NEBL: variants seen among roughly 807,000 people sequenced by gnomAD.
NEBL encodes LIM and SH3 protein 2.
NEBL carries 122 observed loss-of-function variants against 140.2 expected under a neutral mutation model. The ratio of observed to expected loss-of-function variants is 0.87; its 90% CI spans 0.75 to 1.01. The LOEUF (loss-of-function observed/expected upper bound fraction) is 1.01. Ranked by LOEUF, NEBL falls within the 50% of genes least tolerant of loss-of-function variation. The pLI, the probability that NEBL is intolerant of heterozygous loss-of-function variation, is 0.00. For missense variants in NEBL, 1,365 were observed against 1,231.3 expected (o/e 1.11, Z -1.62); for synonymous variants, 436 against 398.9 (o/e 1.09, Z -1.11).
At chr10:21,259,587 G>C (rs1040416800) in intron 1 of NEBL, among the ~76,000 whole-genome samples, 1 of 151,992 alleles carries the variant, frequency 6.6e-6, no homozygotes, top group Non-Finnish European at 1.5e-5. Flanking sequence ...ACCCTTACCC[G>C]TATCCCTCTT....
At chr10:20,839,341 A>G (rs995028131) in intron 13 of NEBL, among the ~76,000 whole-genome samples, 1 of 152,206 alleles carries the variant, frequency 6.6e-6, no homozygotes, top group Non-Finnish European at 1.5e-5. Context: ...GAATTTGCAG[A>G]AAATGACTAA....
At chr10:21,007,681 A>G (rs561010629) in intron 3 of NEBL, among the ~76,000 whole-genome samples, 28 of 152,224 alleles carry the variant, frequency 1.8e-4, no homozygotes, top group Non-Finnish European at 3.4e-4. Context: ...AAGGACAAAG[A>G]TGAAAACAGA....
chr10:21,166,979 C>A (rs1840805271), intron 2 of NEBL, among the ~76,000 whole-genome samples: 1 of 152,114 alleles, frequency 6.6e-6, no homozygotes, highest in Non-Finnish European at 1.5e-5. Flanking sequence ...CTCTGATTAC[C>A]CTTAGGAAAG....
At chr10:21,093,763 A>C (rs1381859176) in intron 2 of NEBL, among the ~76,000 whole-genome samples, 2 of 152,198 alleles carry the variant, frequency 1.3e-5, no homozygotes, top group Non-Finnish European at 1.5e-5. Flanking sequence ...TATCCTGAAA[A>C]ATCTACTGCT....
At chr10:20,863,499 G>A (rs900841301) in intron 7 of NEBL, among the ~76,000 whole-genome samples, 1 of 152,132 alleles carries the variant, frequency 6.6e-6, no homozygotes, top group Non-Finnish European at 1.5e-5. Context: ...AAGCTGTCAA[G>A]GAAGACAGGA....
chr10:21,017,591 GTTC>G (rs1214869491), intron 3 of NEBL, among the ~76,000 whole-genome samples: 6 of 152,042 alleles, frequency 3.9e-5, no homozygotes, highest in Non-Finnish European at 7.4e-5. Context: ...CAGTGACCTT[GTTC>G]TTCTTTGCAT....
chr10:20,969,715 T>C (rs1324154200), intron 3 of NEBL, among the ~76,000 whole-genome samples: 1 of 151,838 alleles, frequency 6.6e-6, no homozygotes, highest in Non-Finnish European at 1.5e-5. Context: ...TGAGCTAATT[T>C]TTGAATTTTT....
At chr10:20,812,972 T>G in intron 23 of NEBL, 32 bp from the exon 24 acceptor site, 1 of 1,584,962 alleles carries the variant, frequency 6.3e-7, no homozygotes, top group Non-Finnish European at 8.7e-7. Flanking sequence ...TACTGAATTT[T>G]GCGGATAGTT....
intron 3 of NEBL, among the ~76,000 whole-genome samples, chr10:21,011,821 G>A (rs1206894507): frequency 6.6e-6 from 1 of 152,128 alleles, no homozygotes; most frequent in Non-Finnish European, 1.5e-5. Context: ...ATCCACCCCT[G>A]GCCCCAGGGC....
At chr10:20,946,213 C>T (rs565326823) in intron 4 of NEBL, among the ~76,000 whole-genome samples, 1 of 152,138 alleles carries the variant, frequency 6.6e-6, no homozygotes, top group African/African-American at 2.4e-5. Flanking sequence ...AGGAGCCCAT[C>T]GTGTTTCCTC....
chr10:20,899,463 A>C, upstream of NEBL: 1 of 1,289,264 alleles, frequency 7.8e-7, no homozygotes. Flanking sequence ...GCAAGAAAAT[A>C]AGCTGTTGAG....
At chr10:21,099,992 A>C (rs1273310948) in intron 2 of NEBL, among the ~76,000 whole-genome samples, 1 of 152,208 alleles carries the variant, frequency 6.6e-6, no homozygotes, top group Non-Finnish European at 1.5e-5. Context: ...AAAAACAAGA[A>C]GTCCTCCTCA....
chr10:20,859,048 C>T (rs1672626249), intron 8 of NEBL, among the ~76,000 whole-genome samples: 1 of 152,030 alleles, frequency 6.6e-6, no homozygotes, highest in South Asian at 2.1e-4. Context: ...ATCTCTATTT[C>T]TAAGAAAGCA....
intron 2 of NEBL, among the ~76,000 whole-genome samples, chr10:21,151,452 A>G (rs928928763): frequency 1.3e-5 from 2 of 152,202 alleles, no homozygotes; most frequent in African/African-American, 2.4e-5. Flanking sequence ...GCACAAGCGC[A>G]CACACACAAA....
intron 2 of NEBL, chr10:21,070,126 A>G: frequency 2.6e-6 from 1 of 381,202 alleles, no homozygotes; most frequent in Non-Finnish European, 5.3e-6. Flanking sequence ...TTCGGGAGGC[A>G]AAATAGCATT....
intron 2 of NEBL, among the ~76,000 whole-genome samples, chr10:21,032,998 G>A (rs1589155924): frequency 6.6e-6 from 1 of 152,056 alleles, no homozygotes; most frequent in South Asian, 2.1e-4. Context: ...GGTGTAAAAG[G>A]TGAGAAATTA....
intron 3 of NEBL, among the ~76,000 whole-genome samples, chr10:20,990,769 G>A (rs1026882938): frequency 2.6e-5 from 4 of 152,204 alleles, no homozygotes; most frequent in African/African-American, 9.6e-5. Context: ...CACCCAGTGT[G>A]ACTCAGTCAC....
chr10:21,186,255 CAA>C (rs1841469241), intron 3 of NEBL, among the ~76,000 whole-genome samples: 1 of 136,840 alleles, frequency 7.3e-6, no homozygotes, highest in Non-Finnish European at 1.6e-5. Context: ...TTTATATATA[CAA>C]ACACACACAC....
chr10:21,179,422 T>C (rs1195974201), upstream of NEBL, among the ~76,000 whole-genome samples: 1 of 152,212 alleles, frequency 6.6e-6, no homozygotes, highest in Admixed American at 6.5e-5. Flanking sequence ...CACCAAAGAA[T>C]GCAGCGTCCA....
Sources: gnomAD v4.1 joint callset for allele counts (sites outside exome capture counted in the v4.1 genomes callset) on GRCh38, gnomAD v4.1.1 for gene constraint, MANE v1.5 for transcripts, NCBI Gene and HGNC (gene_info 2026-07-23, HGNC 2026-07-21) for gene names.